Variants in GLI2 observed in about 807,000 individuals in gnomAD.
The protein encoded by GLI2 is transcription activator GLI2.
In GLI2, 22 loss-of-function variants were observed where a neutral mutation model predicts 78.9. The ratio of observed to expected loss-of-function variants is 0.28; its 90% CI spans 0.20 to 0.40. GLI2 has a LOEUF of 0.40. Ranked by LOEUF, GLI2 falls within the 10% of genes least tolerant of loss-of-function variation. The probability of loss-of-function intolerance (pLI) is 1.00; values close to 1 mark genes in which losing one functional copy is unlikely to be tolerated. For missense variants in GLI2, 2,097 were observed against 2,213.2 expected, an observed-to-expected ratio of 0.95 and a Z score of 1.05; for synonymous variants, 974 against 963.7, an observed-to-expected ratio of 1.01 and a Z score of -0.20.
intron 2 of GLI2, among the ~76,000 whole-genome samples, chr2:120,916,586 G>A (rs1200249005): frequency 1.3e-5 from 2 of 152,254 alleles, no homozygotes; most frequent in African/African-American, 2.4e-5. Flanking sequence ...GGCTTACACA[G>A]CAGCGCCCCG....
intron 1 of GLI2, among the ~76,000 whole-genome samples, chr2:120,783,435 C>T (rs965602594): frequency 2.6e-5 from 4 of 152,104 alleles, no homozygotes; most frequent in African/African-American, 9.7e-5. Flanking sequence ...TTTGCAGGCT[C>T]CGTGTAGACT....
chr2:120,939,399 G>A (rs567292840), intron 3 of GLI2, among the ~76,000 whole-genome samples: 4 of 152,180 alleles, frequency 2.6e-5, no homozygotes, highest in Non-Finnish European at 4.4e-5. Flanking sequence ...GAGGTCCCGT[G>A]TGCTCCCCAA....
At chr2:120,751,246 AT>A (rs1463189409) in intron 1 of GLI2, among the ~76,000 whole-genome samples, 3 of 151,860 alleles carry the variant, frequency 2.0e-5, no homozygotes, top group African/African-American at 7.3e-5. Flanking sequence ...CTAAAATAAC[AT>A]TTGTTCTTCT....
At chr2:120,935,534 G>C (rs1042311246) in intron 3 of GLI2, among the ~76,000 whole-genome samples, 11 of 152,296 alleles carry the variant, frequency 7.2e-5, no homozygotes, top group African/African-American at 2.6e-4. Context: ...GCAGTAGCAG[G>C]AGTCTGTGCC....
At chr2:120,743,447 A>C (rs1276672963) in intron 1 of GLI2, among the ~76,000 whole-genome samples, 9 of 152,044 alleles carry the variant, frequency 5.9e-5, no homozygotes, top group African/African-American at 2.2e-4. Context: ...CTACAAAAAA[A>C]TAAAAATAAA....
chr2:120,807,473 C>T (rs1457098763), intron 2 of GLI2, among the ~76,000 whole-genome samples: 2 of 152,156 alleles, frequency 1.3e-5, no homozygotes, highest in Non-Finnish European at 2.9e-5. Context: ...GAACTGTTTT[C>T]TGAGGGTAGC....
At chr2:120,861,847 G>A (rs1411483008) in intron 2 of GLI2, among the ~76,000 whole-genome samples, 7 of 152,214 alleles carry the variant, frequency 4.6e-5, no homozygotes, top group Admixed American at 1.3e-4. Context: ...ATTACCGCCT[G>A]ACCACAGTGG....
chr2:120,846,122 T>C (rs541587554), intron 2 of GLI2, among the ~76,000 whole-genome samples: 40 of 152,260 alleles, frequency 2.6e-4, no homozygotes, highest in South Asian at 1.0e-3. Flanking sequence ...GTGGGCCTGG[T>C]TTAGATCTCC....
chr2:120,831,379 C>T (rs1686353948), intron 2 of GLI2, among the ~76,000 whole-genome samples: 1 of 152,334 alleles, frequency 6.6e-6, no homozygotes, highest in Admixed American at 6.5e-5. Context: ...CACCAGGCCT[C>T]CCTGGAGGTT....
intron 2 of GLI2, among the ~76,000 whole-genome samples, chr2:120,919,961 G>A (rs560644264): frequency 1.3e-5 from 2 of 152,382 alleles, no homozygotes; most frequent in Non-Finnish European, 1.5e-5. Context: ...ACACAGACCT[G>A]TATGGTGCAA....
intron 2 of GLI2, among the ~76,000 whole-genome samples, chr2:120,853,904 C>T (rs1311346641): frequency 1.3e-5 from 2 of 151,990 alleles, no homozygotes; most frequent in Non-Finnish European, 2.9e-5. Context: ...GGATGTGGGT[C>T]CCCTATGAGA....
intron 2 of GLI2, among the ~76,000 whole-genome samples, chr2:120,836,502 C>T (rs1686618438): frequency 6.6e-6 from 1 of 152,202 alleles, no homozygotes; most frequent in Admixed American, 6.5e-5. Flanking sequence ...ATTATTTACA[C>T]TTTTTTATTG....
At chr2:120,870,280 A>G (rs1204015343) in intron 2 of GLI2, among the ~76,000 whole-genome samples, 1 of 152,228 alleles carries the variant, frequency 6.6e-6, no homozygotes, top group African/African-American at 2.4e-5. Context: ...TTTAGGGACC[A>G]AAACAAGGTC....
At chr2:120,851,682 G>C (rs1047917990) in intron 2 of GLI2, among the ~76,000 whole-genome samples, 1 of 152,224 alleles carries the variant, frequency 6.6e-6, no homozygotes, top group African/African-American at 2.4e-5. Context: ...GAGGCAGTGA[G>C]TGCCAGCCGG....
chr2:120,830,649 G>A lies in GLI2; in HGVS notation c.148+33181G>A, dbSNP rs149700506. ...TTTGTTGGGGCTCCAGCAGGGCAGG[G>A]GAGGGCAGAGAGTGTGAGCCCTCTG... On this transcript the variant is annotated intron_variant, in intron 2 of 13. Coordinates refer to ENST00000361492, the MANE Select transcript of GLI2 (RefSeq NM_001374353.1). 3.1e-3 allele frequency among the ~76,000 whole-genome samples: 478 copies of A among 152,332 alleles called. 4 individuals are homozygous for A. Among genetic ancestry groups the A allele is most frequent in the African/African-American group, 0.01 (420 of 41,574 alleles).
chr2:120,927,287 A>G, intron 2 of GLI2, 74 bp from the exon 3 acceptor site: 1 of 1,066,300 alleles, frequency 9.4e-7, no homozygotes, highest in South Asian at 1.2e-5. Context: ...ATTGAGCTTT[A>G]AAGCCCTTTG....
chr2:120,899,388 CTTGTGTGTACACACACAT>C, intron 2 of GLI2, among the ~76,000 whole-genome samples: 1 of 146,368 alleles, frequency 6.8e-6, no homozygotes. Flanking sequence ...CTCATACACA[CTTGTGTGTACACACACAT>C]ACACACACAC....
chr2:120,906,394 G>A (rs1365871803), intron 2 of GLI2, among the ~76,000 whole-genome samples: 1 of 152,112 alleles, frequency 6.6e-6, no homozygotes, highest in Non-Finnish European at 1.5e-5. Context: ...GGAAAGGAGT[G>A]GAGCACCCAG....
At chr2:120,928,187 T>C (rs1386972643) in intron 3 of GLI2, among the ~76,000 whole-genome samples, 1 of 151,932 alleles carries the variant, frequency 6.6e-6, no homozygotes, top group African/African-American at 2.4e-5. Context: ...CCAGGAGAGC[T>C]CTTACAAAGG....
Sources: allele counts gnomAD v4.1 joint callset (sites outside exome capture counted in the v4.1 genomes callset), GRCh38; gene constraint gnomAD v4.1.1; transcripts MANE v1.5; gene names NCBI Gene and HGNC (gene_info 2026-07-23, HGNC 2026-07-21).